ANKRD33B: variants seen among roughly 807,000 people sequenced by gnomAD.
ANKRD33B encodes ankyrin repeat domain-containing protein 33B.
In ANKRD33B, 6 loss-of-function variants were observed where a neutral mutation model predicts 21.5. The observed-to-expected ratio is 0.28, with a 90% CI of 0.15 to 0.55. ANKRD33B has a LOEUF of 0.55. Among genes scored for constraint, ANKRD33B ranks in the 20% least tolerant of loss-of-function variants. ANKRD33B has a pLI of 0.94. For missense variants in ANKRD33B, 698 were observed against 747.2 expected, an observed-to-expected ratio of 0.93 and a Z score of 0.77; for synonymous variants, 347 against 342.4, an observed-to-expected ratio of 1.01 and a Z score of -0.15.
intron 1 of ANKRD33B, among the ~76,000 whole-genome samples, chr5:10,567,513 G>A (rs1049897525): frequency 3.3e-5 from 5 of 152,126 alleles, no homozygotes; most frequent in African/African-American, 9.7e-5. Context: ...TTCACATGAC[G>A]GTGTCCGGTC....
chr5:10,630,346 T>C (rs1405713836), intron 2 of ANKRD33B, among the ~76,000 whole-genome samples: 1 of 152,210 alleles, frequency 6.6e-6, no homozygotes, highest in African/African-American at 2.4e-5. Flanking sequence ...CATGCTCTTC[T>C]TGGGGAGACA....
In ANKRD33B at chr5:10,630,011, A is replaced by T. The variant is rs528497676; in HGVS notation, c.497-8017A>T. Among the ~76,000 whole-genome samples the T allele has an allele frequency of 2.8e-4, 43 of 152,230 alleles. 1 individual carries two copies. In the South Asian group the frequency reaches 8.5e-3, roughly 30 times the overall value. ...TGAGAGTAGATGGATCTGGAATTGG[A>T]CTGAAGCGGAGTTGAATGGTTGATG... On this transcript the variant is annotated intron_variant, in intron 2 of 3. Transcript: ENST00000296657.
At position 10,613,192 on chromosome 5, in the gene ANKRD33B, C is replaced by T. The variant is rs376218427; in HGVS notation, c.367-5141C>T. Among the ~76,000 whole-genome samples the T allele has an allele frequency of 3.9e-5, 6 of 152,072 alleles. No individual in the cohort carries two copies. The South Asian group carries it at 1.0e-3, about 26-fold the overall frequency. On this transcript the variant is annotated intron_variant, in intron 1 of 3. Coordinates refer to ENST00000296657, the MANE Select transcript of ANKRD33B (RefSeq NM_001164440.2). ...TTCTTCTGCAGACTGTGCTGGGCCT[C>T]ACGCAGCATCCGGCCCTCCTTTTTC...
chr5:10,602,365 C>T (rs778953681), intron 1 of ANKRD33B, among the ~76,000 whole-genome samples: 15 of 152,214 alleles, frequency 9.9e-5, no homozygotes, highest in Non-Finnish European at 1.9e-4. Flanking sequence ...CTATGAGTGG[C>T]CAAAGTCAAA....
At position 10,649,737 on chromosome 5, in the gene ANKRD33B, G is replaced by T; in HGVS notation, c.1109G>T (p.Arg370Leu). 1 of 1,476,282 alleles carries T rather than the reference G, an allele frequency of 6.8e-7. No homozygotes were observed. Among genetic ancestry groups the T allele is most frequent in the African/African-American group, 1.4e-5 (1 of 69,936 alleles). 91.4% of individuals were successfully genotyped at this position (1,476,282 alleles called of 1,614,324 possible). A position where few individuals can be genotyped will look rare whatever the true frequency, so the allele number is the denominator to read the frequency against. ...GTGGGGGGCGCGGGGCAGCGCGGGC[G>T]GACCGGACAGGAGGACGCGGACTCC... is the stretch of plus-strand genomic sequence containing the variant. ...DEVGGAGQRG[R>L]TGQEDADSRE... Residue 370 changes from arginine to leucine, a missense_variant, in exon 4 of 4, where the codon CGG (arginine) becomes CTG (leucine). This residue lies in a region of ANKRD33B where 543 missense variants were observed against 566.5 expected (regional missense o/e 0.96). Coordinates refer to ENST00000296657, the MANE Select transcript of ANKRD33B (RefSeq NM_001164440.2).
chr5:10,568,884 G>GC (rs951439456), intron 1 of ANKRD33B, among the ~76,000 whole-genome samples: 10 of 152,084 alleles, frequency 6.6e-5, no homozygotes, highest in Non-Finnish European at 1.0e-4. Context: ...TTTTCCAAAG[G>GC]CCCCTCCATT....
chr5:10,596,860 C>G (rs1735829108), intron 1 of ANKRD33B, among the ~76,000 whole-genome samples: 1 of 152,096 alleles, frequency 6.6e-6, no homozygotes, highest in Admixed American at 6.6e-5. Flanking sequence ...CAGCAGAAAC[C>G]CCACAAGCCA....
intron 1 of ANKRD33B, among the ~76,000 whole-genome samples, chr5:10,609,553 C>T (rs556251716): frequency 1.3e-5 from 2 of 152,050 alleles, no homozygotes; most frequent in East Asian, 3.9e-4. Context: ...AAAAAATTTT[C>T]CATTACATTT....
intron 1 of ANKRD33B, among the ~76,000 whole-genome samples, chr5:10,618,113 T>C (rs751597140): frequency 4.6e-5 from 7 of 152,218 alleles, no homozygotes; most frequent in Non-Finnish European, 1.0e-4. Context: ...CACTGATGTT[T>C]TCACGTCTAG....
chr5:10,611,535 A>G (rs541083592), intron 1 of ANKRD33B, among the ~76,000 whole-genome samples: 4 of 152,300 alleles, frequency 2.6e-5, no homozygotes, highest in African/African-American at 9.6e-5. Flanking sequence ...TTGGAGAAGC[A>G]GTGGGCTGAA....
chr5:10,625,115 G>A (rs963639362), intron 2 of ANKRD33B: 3 of 242,098 alleles, frequency 1.2e-5, no homozygotes, highest in African/African-American at 6.7e-5. Context: ...AATGAGGAAG[G>A]CAGGTGAGCA....
chr5:10,597,248 A>G (rs2126565788), intron 1 of ANKRD33B, among the ~76,000 whole-genome samples: 1 of 152,362 alleles, frequency 6.6e-6, no homozygotes, highest in South Asian at 2.1e-4. Context: ...CAGAATAGCA[A>G]GCTGGGTAAA....
intron 1 of ANKRD33B, among the ~76,000 whole-genome samples, chr5:10,593,790 C>T (rs1032140228): frequency 4.6e-5 from 7 of 152,006 alleles, no homozygotes; most frequent in African/African-American, 1.7e-4. Context: ...TCCAGCACAA[C>T]CCCCACCCCT....
At chr5:10,604,584 A>G (rs1736003371) in intron 1 of ANKRD33B, among the ~76,000 whole-genome samples, 1 of 151,856 alleles carries the variant, frequency 6.6e-6, no homozygotes, top group Non-Finnish European at 1.5e-5. Context: ...AGTGAAGTCC[A>G]GAGAGGAGAT....
At chr5:10,639,019 G>C (rs1231381520) in intron 3 of ANKRD33B, among the ~76,000 whole-genome samples, 2 of 84,850 alleles carry the variant, frequency 2.4e-5, no homozygotes, top group Middle Eastern at 8.5e-3. Context: ...CGGTGACGCG[G>C]AGTTGCGCGG....
chr5:10,639,553 G>A (rs1482662971), intron 3 of ANKRD33B, among the ~76,000 whole-genome samples: 2 of 28,522 alleles, frequency 7.0e-5, no homozygotes, highest in East Asian at 7.7e-4. Context: ...GTGGAGTTGC[G>A]CGGCGATGTT....
Position 10,649,780 on chromosome 5 carries a change from A to G in ANKRD33B, c.1152A>G (p.Arg384=). 7.1e-7 allele frequency: 1 copy of G among 1,399,644 alleles called. No homozygotes were observed. Among genetic ancestry groups the G allele is most frequent in the Non-Finnish European group, 9.2e-7 (1 of 1,083,202 alleles). The allele number at this position is 1,399,644 out of a possible 1,614,324, so 86.7% of individuals were successfully genotyped here. The change falls in exon 4 of 4, where the codon AGA becomes AGG. Residue 384 remains arginine, a synonymous_variant. Coordinates refer to ENST00000296657, the MANE Select transcript of ANKRD33B (RefSeq NM_001164440.2). Reference sequence around the variant, plus strand: ...CGGACTCCCGGGAGGGCTCCCCGAGAGCCGGCCTCCCTCCCGCCCTGGGGT... The same window carrying G: ...CGGACTCCCGGGAGGGCTCCCCGAGGGCCGGCCTCCCTCCCGCCCTGGGGT... The part of the protein sequence containing the change: ...EDADSREGSP[R]AGLPPALGSR...
chr5:10,607,402 C>G (rs1287521373), intron 1 of ANKRD33B, among the ~76,000 whole-genome samples: 1 of 152,214 alleles, frequency 6.6e-6, no homozygotes, highest in African/African-American at 2.4e-5. Flanking sequence ...CGTCCACCGT[C>G]TCTCGAAACT....
chr5:10,606,802 C>T (rs942066094), intron 1 of ANKRD33B, among the ~76,000 whole-genome samples: 10 of 151,082 alleles, frequency 6.6e-5, no homozygotes, highest in African/African-American at 2.2e-4. Flanking sequence ...AATCTCAGCT[C>T]GCTGCAAGCT....
Sources: gnomAD v4.1 joint callset for allele counts (sites outside exome capture counted in the v4.1 genomes callset) on GRCh38, gnomAD v4.1.1 for gene constraint, gnomAD v4.1.1 regional missense constraint, MANE v1.5 for transcripts, NCBI Gene and HGNC (gene_info 2026-07-23, HGNC 2026-07-21) for gene names.